Variants in ADAM2 observed in about 807,000 individuals in gnomAD.
ADAM2 encodes the protein ADAM metallopeptidase domain 2.
In ADAM2, 101 loss-of-function variants were observed where a neutral mutation model predicts 99.3. The observed-to-expected ratio is 1.02, with a 90% CI of 0.87 to 1.20. ADAM2 has a LOEUF of 1.20. Ranked by LOEUF, ADAM2 falls within the 50% of genes most tolerant of loss-of-function variation. The pLI is 0.00. For synonymous variants in ADAM2, 323 were observed against 287.6 expected (o/e 1.12, Z -1.25); for missense variants, 948 against 878.7 (o/e 1.08, Z -1.00).
chr8:39,807,792 A>G (rs144593402), intron 7 of ADAM2, among the ~76,000 whole-genome samples: 2 of 152,332 alleles, frequency 1.3e-5, no homozygotes, highest in East Asian at 3.9e-4. Context: ...CCAGAAATAT[A>G]TAAAAATGAT....
At chr8:39,754,503 G>GT (rs377494875) in intron 16 of ADAM2, among the ~76,000 whole-genome samples, 7 of 152,318 alleles carry the variant, frequency 4.6e-5, no homozygotes, top group African/African-American at 1.7e-4. Context: ...AATTTAAAAT[G>GT]TAAGATAGTC....
intron 6 of ADAM2, among the ~76,000 whole-genome samples, chr8:39,814,438 A>G (rs994219864): frequency 2.0e-5 from 3 of 152,190 alleles, no homozygotes; most frequent in Admixed American, 1.3e-4. Flanking sequence ...AAGTGCTTAC[A>G]TACATGATGT....
intron 6 of ADAM2, among the ~76,000 whole-genome samples, chr8:39,817,312 C>T (rs890806054): frequency 2.6e-5 from 4 of 151,938 alleles, no homozygotes; most frequent in Admixed American, 1.3e-4. Flanking sequence ...AGAGTGACAT[C>T]GTGGTCATGA....
In ADAM2 at chr8:39,749,349, G is replaced by A. The variant is rs771591286; in HGVS notation, c.1977C>T (p.Gly659=). 1 of 1,612,866 alleles carries A rather than the reference G, an allele frequency of 6.2e-7. No individual in the cohort carries two copies. The highest frequency in any genetic ancestry group is 8.5e-7 in the Non-Finnish European group (1 of 1,179,254). Residue 659 remains glycine (G), a synonymous_variant, in exon 18 of 21, where the codon GGC becomes GGT. Coordinates refer to ENST00000265708, the MANE Select transcript of ADAM2 (RefSeq NM_001464.5). ...DLWPGGSIDS[G]NFPPVAIPAR... is the part of the protein sequence containing the mutation. Reference sequence around the variant, plus strand: ...CTGGTATAGCTACAGGTGGAAAATTGCCACTGTCAATACTCCCACCAGGCC... The same window carrying A: ...CTGGTATAGCTACAGGTGGAAAATTACCACTGTCAATACTCCCACCAGGCC...
At chr8:39,776,881 G>A (rs1803010558) in intron 11 of ADAM2, 144 bp downstream of exon 11, 2 of 559,064 alleles carry the variant, frequency 3.6e-6, no homozygotes, top group Non-Finnish European at 6.2e-6. Context: ...TATGCATCGT[G>A]GGCATTGGAA....
At chr8:39,817,189 CAAAT>C (rs1275983750) in intron 6 of ADAM2, among the ~76,000 whole-genome samples, 1 of 151,534 alleles carries the variant, frequency 6.6e-6, no homozygotes, top group African/African-American at 2.4e-5. Context: ...ACATATAAGA[CAAAT>C]AAGAAATGAC....
intron 7 of ADAM2, among the ~76,000 whole-genome samples, chr8:39,805,772 A>T (rs1381980066): frequency 6.6e-6 from 1 of 152,182 alleles, no homozygotes; most frequent in East Asian, 1.9e-4. Context: ...GTACATTGTC[A>T]AAAACAATAG....
At chr8:39,795,110 G>T (rs1182532295) in intron 7 of ADAM2, among the ~76,000 whole-genome samples, 1 of 152,008 alleles carries the variant, frequency 6.6e-6, no homozygotes, top group South Asian at 2.1e-4. Context: ...TTAAGTTGAA[G>T]AATAGATAAT....
At chr8:39,816,987 A>G (rs1237455312) in intron 6 of ADAM2, among the ~76,000 whole-genome samples, 1 of 152,244 alleles carries the variant, frequency 6.6e-6, no homozygotes, top group African/African-American at 2.4e-5. Flanking sequence ...TAAAATTATT[A>G]TGTTGTAAAA....
intron 19 of ADAM2, among the ~76,000 whole-genome samples, chr8:39,745,717 A>T (rs955867743): frequency 2.0e-5 from 3 of 152,098 alleles, no homozygotes; most frequent in African/African-American, 7.2e-5. Flanking sequence ...ACCAAAAAAA[A>T]GCTAAATTAC....
intron 11 of ADAM2, among the ~76,000 whole-genome samples, chr8:39,771,852 G>A (rs1350047711): frequency 6.6e-6 from 1 of 151,860 alleles, no homozygotes; most frequent in South Asian, 2.1e-4. Context: ...TGAGAACCAG[G>A]CAATGCAAGA....
intron 10 of ADAM2, among the ~76,000 whole-genome samples, chr8:39,778,832 G>C (rs141966181): frequency 4.6e-5 from 7 of 152,092 alleles, no homozygotes; most frequent in African/African-American, 1.7e-4. Flanking sequence ...TATTAATACT[G>C]GTACTGTTAT....
intron 6 of ADAM2, among the ~76,000 whole-genome samples, chr8:39,814,213 G>C (rs927117951): frequency 1.3e-5 from 2 of 152,068 alleles, no homozygotes; most frequent in Non-Finnish European, 2.9e-5. Context: ...CAAAAAATTA[G>C]CTGGGCATTG....
At chr8:39,789,873 C>T (rs1469093504) in intron 7 of ADAM2, among the ~76,000 whole-genome samples, 2 of 151,466 alleles carry the variant, frequency 1.3e-5, no homozygotes, top group East Asian at 3.9e-4. Context: ...AAAACATGTG[C>T]AAATAATGTG....
At chr8:39,787,674 T>C (rs1803529002) in intron 9 of ADAM2, among the ~76,000 whole-genome samples, 1 of 151,584 alleles carries the variant, frequency 6.6e-6, no homozygotes, top group African/African-American at 2.4e-5. Flanking sequence ...ACAATGCAGA[T>C]ATATTAGAGA....
chr8:39,766,588 A>T (rs568273059), intron 14 of ADAM2, among the ~76,000 whole-genome samples: 4 of 151,894 alleles, frequency 2.6e-5, no homozygotes, highest in Non-Finnish European at 5.9e-5. Context: ...TTGTATTTTT[A>T]GTAGAGACAG....
At chr8:39,780,962 C>G (rs1803200135) in intron 10 of ADAM2, among the ~76,000 whole-genome samples, 2 of 151,242 alleles carry the variant, frequency 1.3e-5, no homozygotes, top group Admixed American at 1.3e-4. Context: ...CAATTATTGC[C>G]CTTTGGAATT....
intron 3 of ADAM2, among the ~76,000 whole-genome samples, chr8:39,826,775 T>A (rs528371632): frequency 6.6e-6 from 1 of 151,906 alleles, no homozygotes; most frequent in African/African-American, 2.4e-5. Context: ...CCATAATAGT[T>A]ATGATGCTAA....
At chr8:39,745,195 C>T (rs1024404919) in intron 19 of ADAM2, among the ~76,000 whole-genome samples, 1 of 152,152 alleles carries the variant, frequency 6.6e-6, no homozygotes, top group East Asian at 1.9e-4. Flanking sequence ...TTTTGCCATT[C>T]ATTTTCAACC....
Sources: gnomAD v4.1 joint callset for allele counts (sites outside exome capture counted in the v4.1 genomes callset) on GRCh38, gnomAD v4.1.1 for gene constraint, MANE v1.5 for transcripts, NCBI Gene and HGNC (gene_info 2026-07-23, HGNC 2026-07-21) for gene names.